CDH18: variants seen among roughly 807,000 people sequenced by gnomAD.
CDH18 encodes cadherin 18, also known as cadherin-18.
CDH18 carries 31 observed loss-of-function variants against 67.9 expected under a neutral mutation model. The observed-to-expected ratio is 0.46, with a 90% CI of 0.34 to 0.62. CDH18 has a LOEUF of 0.62. CDH18 is among the 20% of genes least tolerant of loss of function. The pLI is 0.01. For synonymous variants in CDH18, 362 were observed against 347.2 expected, an observed-to-expected ratio of 1.04 and a Z score of -0.48; for missense variants, 890 against 975.5, an observed-to-expected ratio of 0.91 and a Z score of 1.17.
intron 12 of CDH18, among the ~76,000 whole-genome samples, chr5:19,481,473 C>T (rs1739413294): frequency 6.6e-6 from 1 of 152,194 alleles, no homozygotes; most frequent in African/African-American, 2.4e-5. Context: ...GAGACAAGGG[C>T]AGACTTTTCC....
intron 1 of CDH18, among the ~76,000 whole-genome samples, chr5:20,266,590 TTTTTTTTTTTG>T (rs1745057678): frequency 7.1e-6 from 1 of 141,108 alleles, no homozygotes; most frequent in South Asian, 2.4e-4. Context: ...TTTTTTTTTT[TTTTTTTTTTTG>T]TATTTTTAGT....
chr5:20,266,571 ATTTTTTTTTTTTTTT>A (rs34718835), intron 1 of CDH18, among the ~76,000 whole-genome samples: 79 of 59,190 alleles, frequency 1.3e-3, no homozygotes, highest in East Asian at 3.7e-3. Context: ...GCCCGGCTGA[ATTTTTTTTTTTTTTT>A]TTTTTTTTTT....
chr5:20,536,148 C>T (rs1756702266), intron 1 of CDH18, among the ~76,000 whole-genome samples: 1 of 152,112 alleles, frequency 6.6e-6, no homozygotes, highest in African/African-American at 2.4e-5. Flanking sequence ...AGTATATGTT[C>T]AGGGGACTTT....
chr5:19,749,275 C>T (rs535434120), intron 3 of CDH18, among the ~76,000 whole-genome samples: 2 of 151,780 alleles, frequency 1.3e-5, no homozygotes, highest in African/African-American at 2.4e-5. Context: ...GAATACTTGT[C>T]ATTAAACTAA....
At chr5:19,742,532 T>C (rs1561200440) in intron 4 of CDH18, among the ~76,000 whole-genome samples, 1 of 152,068 alleles carries the variant, frequency 6.6e-6, no homozygotes, top group Non-Finnish European at 1.5e-5. Flanking sequence ...CAAGCATTAT[T>C]TAAGATTCAC....
chr5:19,547,630 G>C (rs1201727345), intron 8 of CDH18, among the ~76,000 whole-genome samples: 4 of 152,076 alleles, frequency 2.6e-5, no homozygotes, highest in Non-Finnish European at 5.9e-5. Flanking sequence ...AATATTTTTA[G>C]AGTTAAACAT....
intron 1 of CDH18, among the ~76,000 whole-genome samples, chr5:20,355,740 G>A (rs1008562034): frequency 8.9e-4 from 135 of 152,250 alleles, no homozygotes; most frequent in African/African-American, 3.0e-3. Flanking sequence ...AAGTGTTTAT[G>A]CATCTGAAGT....
rs188757294 is a variant in CDH18 at position 20,386,766 on chromosome 5, T to C, written c.-579-131261A>G. ...CATATGAGTCTTCTTTTCATTTTGA[T>C]ATTTTGTACATTGCTGAAAGCTACA... On this transcript the variant is annotated intron_variant, in intron 1 of 14. Coordinates refer to the CDH18 transcript ENST00000507958. Among the ~76,000 whole-genome samples, 231 of 152,278 alleles carry C rather than the reference T, an allele frequency of 1.5e-3. 1 individual carries two copies. The highest frequency in any genetic ancestry group is 5.4e-3 in the African/African-American group (223 of 41,554).
intron 2 of CDH18, among the ~76,000 whole-genome samples, chr5:20,077,930 A>T (rs980471954): frequency 2.0e-5 from 3 of 152,204 alleles, no homozygotes; most frequent in Non-Finnish European, 4.4e-5. Context: ...AAATTAAATT[A>T]AATTTATTTT....
intron 1 of CDH18, among the ~76,000 whole-genome samples, chr5:20,472,796 G>A (rs1752181078): frequency 2.0e-5 from 3 of 152,128 alleles, no homozygotes; most frequent in South Asian, 2.1e-4. Context: ...TACAAAACAG[G>A]AATCATCACA....
intron 8 of CDH18, among the ~76,000 whole-genome samples, chr5:19,569,327 C>G (rs1350260636): frequency 6.6e-6 from 1 of 152,120 alleles, no homozygotes; most frequent in Admixed American, 6.6e-5. Context: ...TTATGAGCCT[C>G]AATTCAATTT....
At chr5:20,434,067 C>T (rs538658011) in intron 1 of CDH18, among the ~76,000 whole-genome samples, 23 of 152,118 alleles carry the variant, frequency 1.5e-4, no homozygotes, top group Admixed American at 1.2e-3. Context: ...CTGGCATATT[C>T]CCAGTACCTA....
At chr5:20,202,726 T>C (rs1342325821) in intron 2 of CDH18, among the ~76,000 whole-genome samples, 1 of 152,090 alleles carries the variant, frequency 6.6e-6, no homozygotes, top group Non-Finnish European at 1.5e-5. Context: ...ACTTTTATAT[T>C]TTAGCTTTTA....
At chr5:20,391,011 C>T (rs1158989174) in intron 1 of CDH18, among the ~76,000 whole-genome samples, 1 of 151,956 alleles carries the variant, frequency 6.6e-6, no homozygotes, top group Non-Finnish European at 1.5e-5. Flanking sequence ...GGAGGGATAG[C>T]ATTTGGAGAT....
intron 1 of CDH18, among the ~76,000 whole-genome samples, chr5:20,486,694 T>TATATATATATATATATATATATATAC (rs1216735803): frequency 6.7e-6 from 1 of 150,352 alleles, no homozygotes; most frequent in Non-Finnish European, 1.5e-5. Context: ...TATATATATA[T>TATATATATATATATATATATATATAC]ATATACATAT....
At chr5:20,005,127 G>T (rs1162122275) in intron 2 of CDH18, among the ~76,000 whole-genome samples, 1 of 151,996 alleles carries the variant, frequency 6.6e-6, no homozygotes, top group Non-Finnish European at 1.5e-5. Context: ...ATTTGAAAAT[G>T]CCAGAACTAA....
chr5:20,530,355 T>C (rs1756322039), intron 1 of CDH18, among the ~76,000 whole-genome samples: 1 of 151,784 alleles, frequency 6.6e-6, no homozygotes, highest in South Asian at 2.1e-4. Flanking sequence ...TTGTCATTGA[T>C]ACTCTTCACA....
chr5:19,963,135 C>T (rs962690512), intron 2 of CDH18, among the ~76,000 whole-genome samples: 1 of 152,216 alleles, frequency 6.6e-6, no homozygotes, highest in African/African-American at 2.4e-5. Context: ...AAGCTAATGT[C>T]TATGTACCCA....
intron 5 of CDH18, among the ~76,000 whole-genome samples, chr5:19,679,646 T>A (rs1759990946): frequency 6.6e-6 from 1 of 151,772 alleles, no homozygotes; most frequent in Non-Finnish European, 1.5e-5. Flanking sequence ...ATATATCAAT[T>A]ATGTTGAAGC....
Sources: gnomAD v4.1 joint callset for allele counts (sites outside exome capture counted in the v4.1 genomes callset) on GRCh38, gnomAD v4.1.1 for gene constraint, MANE v1.5 for transcripts, NCBI Gene and HGNC (gene_info 2026-07-23, HGNC 2026-07-21) for gene names.